Variants in DNM3 observed in about 807,000 individuals in gnomAD.
DNM3 encodes the protein dynamin-3.
A neutral mutation model predicts 101.6 loss-of-function variants in DNM3; 47 were observed. The ratio of observed to expected loss-of-function variants is 0.46; its 90% CI spans 0.37 to 0.59. The LOEUF (loss-of-function observed/expected upper bound fraction) is 0.59, where lower values mean the gene tolerates loss of function less well. Among genes scored for constraint, DNM3 ranks in the 20% least tolerant of loss-of-function variants. The pLI is 0.00. For missense variants in DNM3, 849 were observed against 1,085.7 expected, an observed-to-expected ratio of 0.78 and a Z score of 3.06; for synonymous variants, 385 against 387.9, an observed-to-expected ratio of 0.99 and a Z score of 0.09.
downstream of DNM3, among the ~76,000 whole-genome samples, chr1:172,413,874 T>G (rs1216950855): frequency 1.3e-5 from 2 of 152,240 alleles, no homozygotes; most frequent in African/African-American, 4.8e-5. Context: ...CAAAGGAAGC[T>G]TCTTACTGGA....
At chr1:172,133,375 GCA>G (rs2057044203) in intron 14 of DNM3, 1 of 990,922 alleles carries the variant, frequency 1.0e-6, no homozygotes, top group African/African-American at 1.7e-5. Flanking sequence ...AAATAAATAT[GCA>G]CAGTTATAAT....
downstream of DNM3, chr1:172,415,524 G>GCTT (rs1231581260): frequency 3.0e-5 from 3 of 99,130 alleles, no homozygotes; most frequent in Admixed American, 2.4e-4. Flanking sequence ...TTTTTTGTGA[G>GCTT]TTTTTTTTTT....
intron 13 of DNM3, among the ~76,000 whole-genome samples, chr1:172,108,360 C>T (rs927836213): frequency 7.9e-5 from 12 of 152,014 alleles, no homozygotes; most frequent in Admixed American, 7.9e-4. Flanking sequence ...ACCATTTTTA[C>T]TTTCCCTTGG....
At chr1:172,084,413 G>A (rs2053385448) in intron 12 of DNM3, among the ~76,000 whole-genome samples, 2 of 151,930 alleles carry the variant, frequency 1.3e-5, no homozygotes, top group Non-Finnish European at 2.9e-5. Flanking sequence ...AAGTATGATT[G>A]TCACTGGAAT....
chr1:172,105,438 C>T (rs992185614), intron 13 of DNM3, among the ~76,000 whole-genome samples: 2 of 152,174 alleles, frequency 1.3e-5, no homozygotes, highest in African/African-American at 4.8e-5. Flanking sequence ...AACTCTTAAC[C>T]TAGAGTCCAT....
chr1:172,153,016 T>C (rs981529376), intron 14 of DNM3, among the ~76,000 whole-genome samples: 4 of 152,190 alleles, frequency 2.6e-5, no homozygotes, highest in Non-Finnish European at 5.9e-5. Context: ...TAATTAGTTA[T>C]ATTTACTTTC....
At chr1:171,966,466 C>A (rs1001337793) in intron 2 of DNM3, among the ~76,000 whole-genome samples, 22 of 152,208 alleles carry the variant, frequency 1.4e-4, no homozygotes, top group African/African-American at 4.3e-4. Flanking sequence ...GTTAAGGGGG[C>A]TTGTCATCCA....
At chr1:171,969,245 A>T (rs1390118317) in intron 2 of DNM3, among the ~76,000 whole-genome samples, 1 of 152,148 alleles carries the variant, frequency 6.6e-6, no homozygotes, top group Non-Finnish European at 1.5e-5. Flanking sequence ...AACCATAAAA[A>T]ATAGGAAAAC....
intron 17 of DNM3, among the ~76,000 whole-genome samples, chr1:172,363,643 G>C: frequency 6.6e-6 from 1 of 151,756 alleles, no homozygotes; most frequent in South Asian, 2.1e-4. Context: ...TCAGCCTGCA[G>C]TTGCCATACT....
chr1:172,403,945 T>C (rs948217049), intron 20 of DNM3, among the ~76,000 whole-genome samples: 2 of 152,178 alleles, frequency 1.3e-5, no homozygotes, highest in Non-Finnish European at 2.9e-5. Flanking sequence ...AAATGAACTT[T>C]AACAGTAAAC....
At chr1:172,241,077 A>T (rs188707798) in intron 14 of DNM3, among the ~76,000 whole-genome samples, 44 of 152,238 alleles carry the variant, frequency 2.9e-4, no homozygotes, top group African/African-American at 1.0e-3. Context: ...GTTTATGAAC[A>T]TGCAAACCAC....
intron 1 of DNM3, among the ~76,000 whole-genome samples, chr1:171,862,555 T>C (rs1026794180): frequency 6.6e-6 from 1 of 152,078 alleles, no homozygotes; most frequent in Admixed American, 6.6e-5. Flanking sequence ...GAAAGCAGAT[T>C]GGTGTTTGCC....
intron 2 of DNM3, among the ~76,000 whole-genome samples, chr1:171,981,207 A>G (rs1003832794): frequency 7.2e-5 from 11 of 152,208 alleles, no homozygotes; most frequent in African/African-American, 2.4e-4. Flanking sequence ...AGCTTGTTGC[A>G]CTGAAGACAG....
At chr1:171,906,638 C>T (rs1470224112) in intron 1 of DNM3, among the ~76,000 whole-genome samples, 1 of 151,928 alleles carries the variant, frequency 6.6e-6, no homozygotes, top group Non-Finnish European at 1.5e-5. Context: ...TTTTAAGATA[C>T]CCAATTTATT....
chr1:172,316,130 G>C (rs1164789897), intron 16 of DNM3, among the ~76,000 whole-genome samples: 2 of 151,992 alleles, frequency 1.3e-5, no homozygotes, highest in Admixed American at 6.6e-5. Flanking sequence ...TTCATATCCA[G>C]CCAAACTAAG....
At position 172,289,982 on chromosome 1, in the gene DNM3, T is replaced by G. The variant is rs1163495241; in HGVS notation, c.1770-18746T>G. 3.3e-6 allele frequency: 3 copies of G among 915,152 alleles called. No homozygotes were observed. The African/African-American group carries it at 5.4e-5, about 16-fold the overall frequency. 56.7% of individuals were successfully genotyped at this position (915,152 alleles called of 1,614,324 possible). A position where few individuals can be genotyped will look rare whatever the true frequency, so the allele number is the denominator to read the frequency against. On this transcript the variant is annotated intron_variant, in intron 15 of 20. Coordinates refer to ENST00000627582, the MANE Select transcript of DNM3 (RefSeq NM_015569.5). ...ATAGTCCTAATTTATTAAATTTATA[T>G]TATTGACATCATAGGTTTGATGATT... is the stretch of plus-strand genomic sequence containing the variant.
intron 20 of DNM3, among the ~76,000 whole-genome samples, chr1:172,418,123 T>C (rs1573811735): frequency 6.6e-6 from 1 of 152,260 alleles, no homozygotes; most frequent in Admixed American, 6.5e-5. Flanking sequence ...TTCCTTTGCA[T>C]GTCTGCATGT....
chr1:171,856,162 A>G (rs1267110018), intron 1 of DNM3, among the ~76,000 whole-genome samples: 1 of 152,142 alleles, frequency 6.6e-6, no homozygotes, highest in African/African-American at 2.4e-5. Flanking sequence ...GCTTTGTTGA[A>G]GATCAGATAG....
chr1:172,056,114 T>C (rs1041545038), intron 10 of DNM3, among the ~76,000 whole-genome samples: 2 of 152,294 alleles, frequency 1.3e-5, no homozygotes, highest in East Asian at 1.9e-4. Flanking sequence ...CACTCCCACC[T>C]GAATACTGTG....
Sources: allele counts gnomAD v4.1 joint callset (sites outside exome capture counted in the v4.1 genomes callset), GRCh38; gene constraint gnomAD v4.1.1; transcripts MANE v1.5; gene names NCBI Gene and HGNC (gene_info 2026-07-23, HGNC 2026-07-21).